Variants in EPB41L3 observed in about 807,000 individuals in gnomAD.
EPB41L3 encodes the protein erythrocyte membrane protein band 4.1 like 3.
In EPB41L3, 57 loss-of-function variants were observed where a neutral mutation model predicts 127.1. The ratio of observed to expected loss-of-function variants is 0.45; its 90% CI spans 0.36 to 0.56. The LOEUF (loss-of-function observed/expected upper bound fraction) is 0.56. Ranked by LOEUF, EPB41L3 falls within the 20% of genes least tolerant of loss-of-function variation. The pLI is 0.00. For missense variants in EPB41L3, 1,273 were observed against 1,372.2 expected, an observed-to-expected ratio of 0.93 and a Z score of 1.14; for synonymous variants, 572 against 549.5, an observed-to-expected ratio of 1.04 and a Z score of -0.57.
chr18:5,445,927 C>A (rs1599030156), intron 3 of EPB41L3, among the ~76,000 whole-genome samples: 1 of 152,128 alleles, frequency 6.6e-6, no homozygotes, highest in Non-Finnish European at 1.5e-5. Flanking sequence ...CCAAAACCAT[C>A]CTCCACCCCA....
intron 2 of EPB41L3, 29 bp from the exon 3 acceptor site, chr18:5,478,467 C>A (rs746367785): frequency 1.2e-6 from 2 of 1,609,616 alleles, no homozygotes; most frequent in Admixed American, 3.3e-5. Context: ...CAACAGTTTT[C>A]ATTGCAAGGT....
At chr18:5,539,099 C>A (rs1438929571) in intron 1 of EPB41L3, among the ~76,000 whole-genome samples, 1 of 148,996 alleles carries the variant, frequency 6.7e-6, no homozygotes, top group Non-Finnish European at 1.5e-5. Flanking sequence ...AGTGTCTAGA[C>A]CTTTACTTGG....
intron 3 of EPB41L3, among the ~76,000 whole-genome samples, chr18:5,568,283 C>T (rs1175856063): frequency 6.6e-6 from 1 of 151,784 alleles, no homozygotes; most frequent in African/African-American, 2.4e-5. Context: ...AATGTGCATG[C>T]AGTACGTAGG....
At chr18:5,450,620 ATAAT>A (rs755272688) in intron 3 of EPB41L3, among the ~76,000 whole-genome samples, 27 of 151,694 alleles carry the variant, frequency 1.8e-4, no homozygotes, top group African/African-American at 3.6e-4. Flanking sequence ...TGTTAATAAA[ATAAT>A]TAATTAAAAA....
At chr18:5,560,959 ATTTATTTAT>A (rs1457533492) in intron 3 of EPB41L3, among the ~76,000 whole-genome samples, 3 of 130,614 alleles carry the variant, frequency 2.3e-5, no homozygotes, top group Non-Finnish European at 3.5e-5. Context: ...TTATTTATTT[ATTTATTTAT>A]TTATTTATTT....
At chr18:5,404,185 C>A (rs1046280020) in intron 16 of EPB41L3, among the ~76,000 whole-genome samples, 1 of 152,148 alleles carries the variant, frequency 6.6e-6, no homozygotes. Context: ...TAAAGAGATC[C>A]CTTTTCCCCT....
intron 3 of EPB41L3, among the ~76,000 whole-genome samples, chr18:5,596,550 G>A (rs4798374): frequency 0.28 from 43,029 of 151,938 alleles, 6,227 homozygotes; most frequent in East Asian, 0.42. Flanking sequence ...ACACAAAAAT[G>A]TGTCTCAGCC....
chr18:5,628,326 C>G (rs991750635), intron 1 of EPB41L3, among the ~76,000 whole-genome samples: 2 of 152,252 alleles, frequency 1.3e-5, no homozygotes, highest in African/African-American at 4.8e-5. Flanking sequence ...CCAGCCCTCT[C>G]GCGGCCCAGT....
At chr18:5,491,285 C>T (rs1021291042) in intron 1 of EPB41L3, among the ~76,000 whole-genome samples, 6 of 152,210 alleles carry the variant, frequency 3.9e-5, no homozygotes, top group Non-Finnish European at 8.8e-5. Context: ...CTCTGGATGA[C>T]CTCATGGACC....
intron 20 of EPB41L3, 37 bp from the exon 21 acceptor site, chr18:5,395,184 A>T (rs1046538398): frequency 1.9e-6 from 3 of 1,559,284 alleles, no homozygotes; most frequent in Non-Finnish European, 2.7e-6. Flanking sequence ...GAATTTACTC[A>T]CTGGGAGAAA....
At chr18:5,546,295 G>A (rs1192098393), upstream of EPB41L3, among the ~76,000 whole-genome samples, 1 of 152,156 alleles carries the variant, frequency 6.6e-6, no homozygotes, top group Non-Finnish European at 1.5e-5. Context: ...CACTTTGGGA[G>A]GCTGAGGCCG....
At chr18:5,583,987 T>C (rs1338044527) in intron 3 of EPB41L3, among the ~76,000 whole-genome samples, 2 of 152,182 alleles carry the variant, frequency 1.3e-5, no homozygotes, top group Non-Finnish European at 2.9e-5. Flanking sequence ...TTTGTATTTT[T>C]AGTAGAGACA....
chr18:5,599,044 C>T (rs149467607), intron 3 of EPB41L3, among the ~76,000 whole-genome samples: 140 of 152,282 alleles, frequency 9.2e-4, no homozygotes, highest in African/African-American at 3.3e-3. Flanking sequence ...TGCAGAAGAA[C>T]AAACATGTAC....
rs370828892 is a variant in EPB41L3, at chr18:5,394,478, G to A, written c.*6+199C>T. 5.7e-5 allele frequency: 30 copies of A among 529,540 alleles called. No individual in the cohort carries two copies. The East Asian group carries it at 7.6e-4, about 13-fold the overall frequency. The allele number at this position is 529,540 out of a possible 1,614,324, so 32.8% of individuals were successfully genotyped here. ...CTTCCTTTATCCTCTAACTGGCAGT[G>A]CATGCAAAAACTCCACAAGAATGGA... On this transcript the variant is annotated intron_variant, in intron 22 of 22. Coordinates refer to ENST00000341928, the MANE Select transcript of EPB41L3 (RefSeq NM_012307.5).
chr18:5,627,456 C>T (rs1568670222), intron 1 of EPB41L3, among the ~76,000 whole-genome samples: 1 of 152,202 alleles, frequency 6.6e-6, no homozygotes, highest in African/African-American at 2.4e-5. Context: ...CACTCTGTAA[C>T]TTCTAAATTT....
chr18:5,528,741 G>T (rs1274914461), intron 1 of EPB41L3, among the ~76,000 whole-genome samples: 1 of 151,942 alleles, frequency 6.6e-6, no homozygotes, highest in Non-Finnish European at 1.5e-5. Context: ...GGGATTACAG[G>T]TACCCACCAT....
At chr18:5,558,602 G>T (rs1238440932) in intron 3 of EPB41L3, among the ~76,000 whole-genome samples, 2 of 152,186 alleles carry the variant, frequency 1.3e-5, no homozygotes, top group South Asian at 2.1e-4. Context: ...GTCAGTCAGA[G>T]TTGAGTTTAA....
chr18:5,578,427 G>T (rs756762569), intron 3 of EPB41L3, among the ~76,000 whole-genome samples: 1 of 152,116 alleles, frequency 6.6e-6, no homozygotes, highest in Non-Finnish European at 1.5e-5. Context: ...GTTATTCATG[G>T]CTTTGCTATG....
Position 5,423,367 on chromosome 18 carries a change from G to A in EPB41L3, c.1339+11C>T, listed in dbSNP as rs1284619956. 6.3e-7 allele frequency: 1 copy of A among 1,592,598 alleles called. No homozygotes were observed. Among genetic ancestry groups the A allele is most frequent in the South Asian group, 1.1e-5 (1 of 88,948 alleles). ...GTACTAGGTTATTAAGGGCCAGTAA[G>A]CGATGCCTACCTCCATCCAAGCTGC... is the stretch of plus-strand genomic sequence containing the variant. On this transcript the variant is annotated intron_variant, in intron 11 of 22. Transcript: ENST00000341928.
Sources: gnomAD v4.1 joint callset for allele counts (sites outside exome capture counted in the v4.1 genomes callset) on GRCh38, gnomAD v4.1.1 for gene constraint, MANE v1.5 for transcripts, NCBI Gene and HGNC (gene_info 2026-07-23, HGNC 2026-07-21) for gene names.